The following LEAP2 variants were observed in gnomAD, a reference collection of about 807,000 sequenced individuals.
LEAP2 encodes liver enriched antimicrobial peptide 2.
Under a neutral mutation model 9.3 loss-of-function variants are expected in LEAP2, and 13 were observed. The observed-to-expected ratio is 1.39, with a 90% confidence interval of 0.91 to 2.21. The LOEUF (loss-of-function observed/expected upper bound fraction) is 2.21. Among genes scored for constraint, LEAP2 ranks in the 30% most tolerant of loss-of-function variants. The pLI, the probability that LEAP2 is intolerant of heterozygous loss-of-function variation, is 0.00. For synonymous variants in LEAP2, 34 were observed against 34.9 expected (o/e 0.98, Z 0.09); for missense variants, 98 against 94.0 (o/e 1.04, Z -0.17).
In LEAP2 at chr5:132,874,487, C is replaced by T; in HGVS notation, c.*41C>T. 1.3e-6 allele frequency: 2 copies of T among 1,556,104 alleles called. No individual in the cohort carries two copies. Among genetic ancestry groups the T allele is most frequent in the South Asian group, 1.1e-5 (1 of 89,806 alleles). On this transcript the variant is annotated 3_prime_UTR_variant, in exon 3 of 3. Transcript: ENST00000296877. ...AAGAAAGGACAGCAGTCACCTCCGA[C>T]AATGCTCCGTTCTATGGAATATTGA... is the stretch of plus-strand genomic sequence containing the variant.
chr5:132,874,360 T>C (rs1561472388), intron 2 of LEAP2, 50 bp from the exon 3 acceptor site: 3 of 1,501,874 alleles, frequency 2.0e-6, no homozygotes, highest in African/African-American at 1.4e-5. Flanking sequence ...TAGGTGGCCC[T>C]GGTCATTCCT....
chr5:132,873,825 A>T, intron 1 of LEAP2, 74 bp downstream of exon 1: 1 of 1,577,812 alleles, frequency 6.3e-7, no homozygotes, highest in Non-Finnish European at 8.7e-7. Context: ...TGAAAGCTAG[A>T]TTCAGTCCTG....
intron 2 of LEAP2, 49 bp from the exon 3 acceptor site, chr5:132,874,360 TG>T: frequency 6.7e-7 from 1 of 1,501,858 alleles, no homozygotes; most frequent in Non-Finnish European, 9.3e-7. Flanking sequence ...TAGGTGGCCC[TG>T]GTCATTCCTA....
rs1377297770 is a variant in LEAP2 at position 132,873,701 on chromosome 5, C to T, written c.7C>T (p.His3Tyr). The T allele has an allele frequency of 1.2e-6, 2 of 1,613,876 alleles. No individual in the cohort carries two copies. The highest frequency in any genetic ancestry group is 1.3e-5 in the African/African-American group (1 of 74,914). The change falls in exon 1 of 3, where the codon CAC becomes TAC. Residue 3 changes from histidine to tyrosine, a missense_variant. Coordinates refer to ENST00000296877, the MANE Select transcript of LEAP2 (RefSeq NM_052971.3). ...ACATCCTCCCCCTGTCAAGATGTGG[C>T]ACCTCAAACTTTGTGCAGTCCTCAT... MW[H>Y]LKLCAVLMIF...
Position 132,875,030 on chromosome 5 carries a change from C to CCA in LEAP2, c.*584_*585insCA. ...TGGGTGACATAGAGAGACTCTGTCT[C>CCA]AAAAAAAAAAAAAAAAAAAAAAGAT... On this transcript the variant is annotated 3_prime_UTR_variant, in exon 3 of 3. Transcript: ENST00000296877. 1 of 80,404 alleles carries CCA rather than the reference C, an allele frequency of 1.2e-5. No homozygotes were observed. Among genetic ancestry groups the CCA allele is most frequent in the South Asian group, 5.2e-4 (1 of 1,938 alleles). The allele number at this position is 80,404 out of a possible 1,614,324, so 5.0% of individuals were successfully genotyped here. A position where few individuals can be genotyped will look rare whatever the true frequency, so the allele number is the denominator to read the frequency against.
In LEAP2 at chr5:132,873,673, C is replaced by A; in HGVS notation, c.-22C>A. On this transcript the variant is annotated 5_prime_UTR_variant, in exon 1 of 3. Coordinates refer to ENST00000296877, the MANE Select transcript of LEAP2 (RefSeq NM_052971.3). Reference sequence around the variant, plus strand: ...AGGAACTGTCCCTGGCTTTCAGGCTCCAACATCCTCCCCCTGTCAAGATGT... The same window carrying A: ...AGGAACTGTCCCTGGCTTTCAGGCTACAACATCCTCCCCCTGTCAAGATGT... The A allele has an allele frequency of 6.2e-7, 1 of 1,611,594 alleles. No individual in the cohort carries two copies. The highest frequency in any genetic ancestry group is 8.5e-7 in the Non-Finnish European group (1 of 1,177,862).
Position 132,873,954 on chromosome 5 carries a change from A to G in LEAP2, c.62A>G (p.Asp21Gly). Residue 21 changes from aspartate (D) to glycine (G), a missense_variant, in exon 2 of 3, where the codon GAT (aspartate) becomes GGT (glycine). By Grantham distance (94) the Asp-to-Gly change is moderately conservative. Coordinates refer to ENST00000296877, the MANE Select transcript of LEAP2 (RefSeq NM_052971.3). ...TGAATGTCTTTGCCCTTACAGATAG[A>G]TGGCTCCCCAATACCAGAAGTGAGT... is the stretch of plus-strand genomic sequence containing the variant. ...MIFLLLLGQI[D>G]GSPIPEVSSA... The G allele has an allele frequency of 6.2e-7, 1 of 1,614,124 alleles. No individual in the cohort carries two copies. Among genetic ancestry groups the G allele is most frequent in the Non-Finnish European group, 8.5e-7 (1 of 1,179,966 alleles).
chr5:132,875,030 C>CA (rs35973948), exon 3 of LEAP2: 43,462 of 80,346 alleles, frequency 0.54, 12,362 homozygotes, highest in South Asian at 0.72. Flanking sequence ...GACTCTGTCT[C>CA]AAAAAAAAAA....
Position 132,874,836 on chromosome 5 carries a change from C to T in LEAP2, c.*390C>T, listed in dbSNP as rs1022340971. The T allele has an allele frequency of 1.7e-5, 6 of 348,960 alleles. No homozygotes were observed. The highest frequency in any genetic ancestry group is 8.4e-5 in the Admixed American group (2 of 23,930). The allele number at this position is 348,960 out of a possible 1,614,324, so 21.6% of individuals were successfully genotyped here. The stretch of plus-strand genomic sequence containing the variant: ...GTGAGAGCTACATAATCAATAGCTA[C>T]GTAATCAACTTCAGCAAGTTCCTAA... On this transcript the variant is annotated 3_prime_UTR_variant, in exon 3 of 3. Coordinates refer to ENST00000296877, the MANE Select transcript of LEAP2 (RefSeq NM_052971.3).
At position 132,873,688 on chromosome 5, in the gene LEAP2, T is replaced by C. The variant is rs767964026; in HGVS notation, c.-7T>C. 1 of 1,592,684 alleles carries C rather than the reference T, an allele frequency of 6.3e-7. No homozygotes were observed. The highest frequency in any genetic ancestry group is 8.5e-7 in the Non-Finnish European group (1 of 1,177,456). The stretch of plus-strand genomic sequence containing the variant: ...CTTTCAGGCTCCAACATCCTCCCCC[T>C]GTCAAGATGTGGCACCTCAAACTTT... On this transcript the variant is annotated 5_prime_UTR_variant, in exon 1 of 3. Coordinates refer to ENST00000296877, the MANE Select transcript of LEAP2 (RefSeq NM_052971.3).
In LEAP2 at chr5:132,874,409, G is replaced by C. The variant is rs1759787366; in HGVS notation, c.198-1G>C. 1 of 1,613,650 alleles carries C rather than the reference G, an allele frequency of 6.2e-7. No individual in the cohort carries two copies. Among genetic ancestry groups the C allele is most frequent in the Non-Finnish European group, 8.5e-7 (1 of 1,179,672 alleles). On this transcript the variant is annotated splice_acceptor_variant, in intron 2 of 2. Transcript: ENST00000296877. LOFTEE classifies it high-confidence loss of function. Reference sequence around the variant, plus strand: ...AAAAACTACCCTTTCTTTTCCCCTAGAAAAAGACGCTGTTCCTTAAGTGTG... The same window carrying C: ...AAAAACTACCCTTTCTTTTCCCCTACAAAAAGACGCTGTTCCTTAAGTGTG...
intron 1 of LEAP2, 49 bp downstream of exon 1, chr5:132,873,800 A>G (rs745556916): frequency 1.3e-6 from 2 of 1,587,264 alleles, no homozygotes; most frequent in African/African-American, 2.7e-5. Context: ...TGGAGATGAT[A>G]GTGGTGGTGG....
Position 132,874,608 on chromosome 5 carries a change from C to T in LEAP2, c.*162C>T. On this transcript the variant is annotated 3_prime_UTR_variant, in exon 3 of 3. Coordinates refer to ENST00000296877, the MANE Select transcript of LEAP2 (RefSeq NM_052971.3). ...CGCTTTAAATTGGTCTCCATTTCTT[C>T]TTAGAATGTTGATATATGGATAAGC... 2.8e-6 allele frequency: 2 copies of T among 720,532 alleles called. No homozygotes were observed. Among genetic ancestry groups the T allele is most frequent in the Middle Eastern group, 2.3e-4 (1 of 4,374 alleles). The allele number at this position is 720,532 out of a possible 1,614,324, so 44.6% of individuals were successfully genotyped here.
At chr5:132,873,817 A>C in intron 1 of LEAP2, 66 bp downstream of exon 1, 1 of 1,582,242 alleles carries the variant, frequency 6.3e-7, no homozygotes, top group Non-Finnish European at 8.7e-7. Flanking sequence ...GTGGAACTTG[A>C]AAGCTAGATT....
Position 132,874,785 on chromosome 5 carries a change from G to A in LEAP2, c.*339G>A, listed in dbSNP as rs1759795829. ...AAAAAACAGCATTGCCCAATAATGT[G>A]TTAACTTCTCAATCTGGAAAGTGTA... On this transcript the variant is annotated 3_prime_UTR_variant, in exon 3 of 3. Transcript: ENST00000296877. 2.4e-6 allele frequency: 1 copy of A among 410,710 alleles called. No homozygotes were observed. The highest frequency in any genetic ancestry group is 2.0e-5 in the African/African-American group (1 of 48,944). 25.4% of individuals were successfully genotyped at this position (410,710 alleles called of 1,614,324 possible).
chr5:132,874,161 A>T, intron 2 of LEAP2, 72 bp downstream of exon 2: 2 of 1,479,970 alleles, frequency 1.4e-6, no homozygotes, highest in Non-Finnish European at 1.8e-6. Flanking sequence ...TGACAAGGGG[A>T]CACATGAACC....
At position 132,874,053 on chromosome 5, in the gene LEAP2, G is replaced by C; in HGVS notation, c.161G>C (p.Cys54Ser). ...GVSLRPIGAS[C>S]RDDSECITRL... The stretch of plus-strand genomic sequence containing the variant: ...TCCCTCAGGCCTATTGGAGCCTCCT[G>C]CCGGGATGATTCTGAGTGTATCACA... The change falls in exon 2 of 3, where the codon TGC becomes TCC. Residue 54 changes from cysteine (C) to serine (S), a missense_variant. By Grantham distance (112) the Cys-to-Ser change is moderately radical. Transcript: ENST00000296877. 1 of 1,614,100 alleles carries C rather than the reference G, an allele frequency of 6.2e-7. No homozygotes were observed. The highest frequency in any genetic ancestry group is 8.5e-7 in the Non-Finnish European group (1 of 1,180,002).
In LEAP2 at chr5:132,873,759, G is replaced by C; in HGVS notation, c.57+8G>C. The stretch of plus-strand genomic sequence containing the variant: ...CTGTTGCTGTTGGGCCAGGTAAGGA[G>C]GGAAGGATACTTATGTGTGTGTGTG... On this transcript the variant is annotated splice_region_variant and intron_variant, in intron 1 of 2. Coordinates refer to ENST00000296877, the MANE Select transcript of LEAP2 (RefSeq NM_052971.3). 1.9e-6 allele frequency: 3 copies of C among 1,612,686 alleles called. No homozygotes were observed. Among genetic ancestry groups the C allele is most frequent in the Non-Finnish European group, 1.7e-6 (2 of 1,178,728 alleles).
rs1182028391 is a variant in LEAP2, at chr5:132,874,006, G to C, written c.114G>C (p.Met38Ile). 7 of 1,614,000 alleles carry C rather than the reference G, an allele frequency of 4.3e-6. No individual in the cohort carries two copies. The highest frequency in any genetic ancestry group is 1.7e-6 in the Non-Finnish European group (2 of 1,180,002). Reference sequence around the variant, plus strand: ...CGGCAAAGAGAAGGCCACGGAGAATGACCCCATTTTGGAGAGGGGTTTCCC... The same window carrying C: ...CGGCAAAGAGAAGGCCACGGAGAATCACCCCATTTTGGAGAGGGGTTTCCC... ...VSSAKRRPRR[M>I]TPFWRGVSLR... is the part of the protein sequence containing the mutation. The change falls in exon 2 of 3, where the codon ATG (methionine) becomes ATC (isoleucine). Residue 38 changes from methionine to isoleucine, a missense_variant. Coordinates refer to ENST00000296877, the MANE Select transcript of LEAP2 (RefSeq NM_052971.3).
Sources: allele counts gnomAD v4.1 joint callset, GRCh38; gene constraint gnomAD v4.1.1; transcripts MANE v1.5; gene names NCBI Gene and HGNC (gene_info 2026-07-23, HGNC 2026-07-21).